Variants in CCDC42 observed in about 807,000 individuals in gnomAD.
The protein encoded by CCDC42 is coiled-coil domain containing 42, also known as coiled-coil domain-containing protein 42.
Under a neutral mutation model 40.8 loss-of-function variants are expected in CCDC42, and 38 were observed. That is an observed-to-expected ratio of 0.93 (90% CI 0.72 to 1.22). The LOEUF is 1.22. Among genes scored for constraint, CCDC42 ranks in the 50% most tolerant of loss-of-function variants. The pLI is 0.00. For synonymous variants in CCDC42, 135 were observed against 157.5 expected, an observed-to-expected ratio of 0.86 and a Z score of 1.07; for missense variants, 379 against 416.5, an observed-to-expected ratio of 0.91 and a Z score of 0.78.
intron 4 of CCDC42, among the ~76,000 whole-genome samples, chr17:8,738,615 G>A (rs1230471867): frequency 2.6e-5 from 4 of 151,892 alleles, no homozygotes; most frequent in Non-Finnish European, 4.4e-5. Context: ...ACAGGCACCC[G>A]CCATCACGCC....
chr17:8,743,879 C>A, intron 2 of CCDC42, 149 bp from the exon 3 acceptor site: 1 of 666,910 alleles, frequency 1.5e-6, no homozygotes, highest in South Asian at 1.8e-5. Flanking sequence ...ATGCCTGGCC[C>A]AGAGCAGAGC....
At position 8,743,966 on chromosome 17, in the gene CCDC42, C is replaced by A. The variant is rs73977407; in HGVS notation, c.189+113G>T. The A allele has an allele frequency of 8.1e-3, 6,654 of 818,678 alleles. 315 individuals carry two copies. The African/African-American group carries it at 0.1, about 12-fold the overall frequency. The allele number at this position is 818,678 out of a possible 1,614,324, so 50.7% of individuals were successfully genotyped here. A position where few individuals can be genotyped will look rare whatever the true frequency, so the allele number is the denominator to read the frequency against. On this transcript the variant is annotated intron_variant, in intron 2 of 6. Coordinates refer to ENST00000293845, the MANE Select transcript of CCDC42 (RefSeq NM_144681.3). ...AGAGACCAGATCACCATAGAGGACT[C>A]CTGGCTCTAGCCACCCCACTCAGAC...
In CCDC42 at chr17:8,735,232, T is replaced by C. The variant is rs974280484; in HGVS notation, c.737A>G (p.Gln246Arg). 3 of 1,614,112 alleles carry C rather than the reference T, an allele frequency of 1.9e-6. No individual in the cohort carries two copies. The highest frequency in any genetic ancestry group is 2.7e-5 in the African/African-American group (2 of 74,948). ...IFWESRWAHI[Q>R]NTAAKKTLLL... ...GAGGGTCTTCTTGGCTGCGGTGTTC[T>C]GGATGTGCGCCCAGCGAGATTCCTG... Residue 246 changes from glutamine to arginine, a missense_variant, in exon 6 of 7, where the codon CAG (glutamine) becomes CGG (arginine). Transcript: ENST00000293845. The surrounding 1 kb of genome is among the most constrained non-coding windows in gnomAD (Gnocchi z 4.7).
At chr17:8,731,049 GA>G (rs1741385696) in intron 6 of CCDC42, among the ~76,000 whole-genome samples, 1 of 152,190 alleles carries the variant, frequency 6.6e-6, no homozygotes, top group Non-Finnish European at 1.5e-5. Context: ...TCATGCTCCA[GA>G]AGTCAGATGA....
intron 4 of CCDC42, among the ~76,000 whole-genome samples, chr17:8,738,704 T>C (rs2086625485): frequency 6.6e-6 from 1 of 152,198 alleles, no homozygotes; most frequent in South Asian, 2.1e-4. Context: ...GACCTCGTGA[T>C]CTGCCCACCT....
At chr17:8,737,750 T>A (rs58426580) in intron 4 of CCDC42, among the ~76,000 whole-genome samples, 1 of 152,182 alleles carries the variant, frequency 6.6e-6, no homozygotes, top group Non-Finnish European at 1.5e-5. Context: ...GCATACCAAC[T>A]AAGGGCAGTG....
At position 8,741,585 on chromosome 17, in the gene CCDC42, C is replaced by A. The variant is rs760165480; in HGVS notation, c.381G>T (p.Lys127Asn). The change falls in exon 4 of 7, where the codon AAG (lysine) becomes AAT (asparagine). Residue 127 changes from lysine to asparagine, a missense_variant. Physicochemically the swap from Lys to Asn is moderately conservative, Grantham distance 94. Transcript: ENST00000293845. Reference protein sequence around the residue: ...LKCQHMQELTKRKQEMVALRL... With the variant: ...LKCQHMQELTNRKQEMVALRL... ...GCAGCGCCACCATCTCCTGCTTGCGCTTGGTCAGCTCCTGCATGTGCTGGC... is the reference window on the plus strand; with the variant it reads ...GCAGCGCCACCATCTCCTGCTTGCGATTGGTCAGCTCCTGCATGTGCTGGC... 3 of 1,614,224 alleles carry A rather than the reference C, an allele frequency of 1.9e-6. No individual in the cohort carries two copies. The Admixed American group carries it at 5.0e-5, about 27-fold the overall frequency.
Position 8,740,356 on chromosome 17 carries a change from C to T in CCDC42, c.492+1118G>A, listed in dbSNP as rs113267960. Among the ~76,000 whole-genome samples the T allele has an allele frequency of 9.4e-3, 1,425 of 152,024 alleles. 16 individuals carry two copies. Among genetic ancestry groups the T allele is most frequent in the African/African-American group, 0.031 (1,297 of 41,436 alleles). On this transcript the variant is annotated intron_variant, in intron 4 of 6. Coordinates refer to ENST00000293845, the MANE Select transcript of CCDC42 (RefSeq NM_144681.3). ...TACAAAAATTAGCTGGGCGTGATGG[C>T]GGGTGCCTATAATCCCAGCTACTCG... is the stretch of plus-strand genomic sequence containing the variant.
chr17:8,741,199 TCACACAGACA>T (rs2086641080), intron 4 of CCDC42, among the ~76,000 whole-genome samples: 1 of 152,128 alleles, frequency 6.6e-6, no homozygotes, highest in Non-Finnish European at 1.5e-5. Flanking sequence ...CAGTTGTGGC[TCACACAGACA>T]CACAAAGACA....
chr17:8,733,077 C>T (rs2086590441), intron 6 of CCDC42, among the ~76,000 whole-genome samples: 1 of 152,158 alleles, frequency 6.6e-6, no homozygotes, highest in Non-Finnish European at 1.5e-5. Context: ...GGAAAAGGCA[C>T]ATTGTCTCGG....
At chr17:8,733,032 C>A (rs568549777) in intron 6 of CCDC42, among the ~76,000 whole-genome samples, 1 of 151,964 alleles carries the variant, frequency 6.6e-6, no homozygotes, top group South Asian at 2.1e-4. Flanking sequence ...GTCAATGAAG[C>A]CTCATCGAGA....
At chr17:8,737,594 A>G (rs932832560) in intron 4 of CCDC42, among the ~76,000 whole-genome samples, 6 of 152,228 alleles carry the variant, frequency 3.9e-5, no homozygotes, top group African/African-American at 1.4e-4. Flanking sequence ...TAGCAAATAA[A>G]TGAGGAAGGG....
intron 4 of CCDC42, among the ~76,000 whole-genome samples, chr17:8,737,875 G>C (rs2086620941): frequency 6.6e-6 from 1 of 152,194 alleles, no homozygotes; most frequent in Admixed American, 6.5e-5. Flanking sequence ...GACTACAGTG[G>C]CATAAACACA....
chr17:8,742,995 CAGGA>C (rs2086654254), intron 3 of CCDC42, among the ~76,000 whole-genome samples: 1 of 152,210 alleles, frequency 6.6e-6, no homozygotes, highest in Admixed American at 6.5e-5. Flanking sequence ...AGGCACAGAG[CAGGA>C]AGGAAGGTGC....
At chr17:8,738,664 C>T (rs1372630770) in intron 4 of CCDC42, among the ~76,000 whole-genome samples, 2 of 152,082 alleles carry the variant, frequency 1.3e-5, no homozygotes, top group African/African-American at 4.8e-5. Flanking sequence ...CAGGGTTTCA[C>T]CGTGTTGGCC....
At chr17:8,743,830 G>C (rs2086660321) in intron 2 of CCDC42, 100 bp from the exon 3 acceptor site, 1 of 767,878 alleles carries the variant, frequency 1.3e-6, no homozygotes, top group Non-Finnish European at 2.2e-6. Context: ...CCATCCCCAG[G>C]CCCAAGAGGG....
chr17:8,732,548 C>T (rs557031598), intron 6 of CCDC42, among the ~76,000 whole-genome samples: 18 of 152,194 alleles, frequency 1.2e-4, no homozygotes, highest in African/African-American at 2.9e-4. Context: ...CCCAAGATGA[C>T]AGAGAAGACA....
At position 8,741,688 on chromosome 17, in the gene CCDC42, T is replaced by G; in HGVS notation, c.295-17A>C. ...GTCGTTCTCCTGGGGCCCGGGGAGGTGGCGCTGGTCAGGAAGCCTCGCCCA... is the reference window on the plus strand; with the variant it reads ...GTCGTTCTCCTGGGGCCCGGGGAGGGGGCGCTGGTCAGGAAGCCTCGCCCA... On this transcript the variant is annotated splice_polypyrimidine_tract_variant and intron_variant, in intron 3 of 6. Coordinates refer to ENST00000293845, the MANE Select transcript of CCDC42 (RefSeq NM_144681.3). 1 of 1,608,906 alleles carries G rather than the reference T, an allele frequency of 6.2e-7. No individual in the cohort carries two copies. Among genetic ancestry groups the G allele is most frequent in the South Asian group, 1.1e-5 (1 of 90,738 alleles).
chr17:8,743,476 G>A (rs549025475), intron 3 of CCDC42, 150 bp downstream of exon 3: 13 of 644,438 alleles, frequency 2.0e-5, no homozygotes, highest in African/African-American at 1.8e-4. Context: ...CATAAAGGAC[G>A]CCTAGGGACA....
Sources: allele counts gnomAD v4.1 joint callset (sites outside exome capture counted in the v4.1 genomes callset), GRCh38; gene constraint gnomAD v4.1.1; non-coding constraint Gnocchi (gnomAD v3.1); transcripts MANE v1.5; gene names NCBI Gene and HGNC (gene_info 2026-07-23, HGNC 2026-07-21).